Variants in EHMT1 observed in about 807,000 individuals in gnomAD.
EHMT1 encodes histone-lysine N-methyltransferase EHMT1.
Under a neutral mutation model 147.2 loss-of-function variants are expected in EHMT1, and 15 were observed. The observed-to-expected ratio is 0.10, with a 90% CI of 0.07 to 0.16. EHMT1 has a LOEUF of 0.16. Ranked by LOEUF, EHMT1 falls within the 10% of genes least tolerant of loss-of-function variation. EHMT1 has a pLI of 1.00. For synonymous variants in EHMT1, 795 were observed against 709.6 expected (o/e 1.12, Z -1.91); for missense variants, 1,587 against 1,772.4 (o/e 0.90, Z 1.88).
chr9:137,724,994 T>C (rs1013975079), intron 3 of EHMT1, among the ~76,000 whole-genome samples: 1 of 134,320 alleles, frequency 7.4e-6, no homozygotes, highest in East Asian at 2.2e-4. Context: ...CGTGTGGCAT[T>C]AGTGTGGCAG....
Position 137,688,089 on chromosome 9 carries a change from T to C in EHMT1, c.22-22878T>C, listed in dbSNP as rs527877835. ...CCCAGGCTGGAGTGCAGTGGCACAATCTCGGCTCACTCCAACCTCTGCCTC... is the reference window on the plus strand; with the variant it reads ...CCCAGGCTGGAGTGCAGTGGCACAACCTCGGCTCACTCCAACCTCTGCCTC... On this transcript the variant is annotated intron_variant, in intron 1 of 26. Transcript: ENST00000460843. Among the ~76,000 whole-genome samples the C allele has an allele frequency of 2.8e-3, 425 of 152,334 alleles. 3 individuals are homozygous for C. The highest frequency in any genetic ancestry group is 5.5e-3 in the Non-Finnish European group (377 of 68,022).
In EHMT1 at chr9:137,619,057, G is replaced by A. The variant is rs1290220246; in HGVS notation, c.21+8G>A. 3 of 914,566 alleles carry A rather than the reference G, an allele frequency of 3.3e-6. No individual in the cohort carries two copies. The highest frequency in any genetic ancestry group is 6.4e-5 in the Admixed American group (1 of 15,544). 56.7% of individuals were successfully genotyped at this position (914,566 alleles called of 1,614,324 possible). A position where few individuals can be genotyped will look rare whatever the true frequency, so the allele number is the denominator to read the frequency against. The stretch of plus-strand genomic sequence containing the variant: ...GCCGCCGCCGATGCCGAGGTGAGCA[G>A]CGGGGCCGGCGGGGGGCGGCGCGGG... On this transcript the variant is annotated splice_region_variant and intron_variant, in intron 1 of 26. Coordinates refer to ENST00000460843, the MANE Select transcript of EHMT1 (RefSeq NM_024757.5).
chr9:137,728,907 A>G (rs1588412842), intron 4 of EHMT1, among the ~76,000 whole-genome samples: 1 of 152,066 alleles, frequency 6.6e-6, no homozygotes, highest in Non-Finnish European at 1.5e-5. Context: ...CAGGGTGAGG[A>G]CCACCGCCCG....
chr9:137,802,838 C>A, intron 18 of EHMT1: 1 of 1,232,002 alleles, frequency 8.1e-7, no homozygotes, highest in Non-Finnish European at 1.0e-6. Flanking sequence ...CACCGGAGTT[C>A]TTTCCCACTG....
rs149388239 is a variant in EHMT1 at position 137,626,980 on chromosome 9, C to T, written c.21+7931C>T. ...TTTTTGTTTTTGTTTTGTTTTGAGA[C>T]GGAGTCTCGCTTTGTTGCCTAGGCT... On this transcript the variant is annotated intron_variant, in intron 1 of 26. Transcript: ENST00000460843. 5.9e-3 allele frequency among the ~76,000 whole-genome samples: 899 copies of T among 151,776 alleles called. 2 individuals are homozygous for T. The highest frequency in any genetic ancestry group is 0.017 in the Middle Eastern group (5 of 294).
In EHMT1 at chr9:137,835,571, G is replaced by C. The variant is rs1956531207; in HGVS notation, c.*618G>C. On this transcript the variant is annotated 3_prime_UTR_variant, in exon 27 of 27. Coordinates refer to ENST00000460843, the MANE Select transcript of EHMT1 (RefSeq NM_024757.5). ...AGTCCTATATATCAAACCTCTAACT[G>C]ACGTTTCTTTTCGAGGAAGTGGCTT... is the stretch of plus-strand genomic sequence containing the variant. The C allele has an allele frequency of 6.6e-6, 1 of 152,616 alleles. No individual in the cohort carries two copies. The highest frequency in any genetic ancestry group is 2.4e-5 in the African/African-American group (1 of 41,452). 9.5% of individuals were successfully genotyped at this position (152,616 alleles called of 1,614,324 possible). A position where few individuals can be genotyped will look rare whatever the true frequency, so the allele number is the denominator to read the frequency against.
intron 15 of EHMT1, chr9:137,788,094 AG>A: frequency 7.5e-7 from 1 of 1,328,964 alleles, no homozygotes; most frequent in Non-Finnish European, 1.0e-6. Flanking sequence ...GGGGCCAGGA[AG>A]GGGGCAGAGG....
Position 137,625,685 on chromosome 9 carries a change from C to A in EHMT1, c.21+6636C>A, listed in dbSNP as rs1843210971. ...TCTCTGTGTTCTCCTTTTCCGTTTC[C>A]TTTAGTTGAATGTTGGACTTCCTGT... On this transcript the variant is annotated intron_variant, in intron 1 of 26. Transcript: ENST00000460843. 2.0e-5 allele frequency among the ~76,000 whole-genome samples: 3 copies of A among 151,910 alleles called. No individual in the cohort carries two copies. In the South Asian group the frequency reaches 6.2e-4, roughly 32 times the overall value.
intron 9 of EHMT1, among the ~76,000 whole-genome samples, chr9:137,762,384 T>G (rs1303885680): frequency 6.6e-6 from 1 of 152,148 alleles, no homozygotes; most frequent in Non-Finnish European, 1.5e-5. Flanking sequence ...TACCAGCCTC[T>G]GGCTTTGGAA....
Position 137,811,344 on chromosome 9 carries a change from G to A in EHMT1, c.2713-117G>A, listed in dbSNP as rs11789631. ...CTTTCCACCTGGCCCTGCTGCGGAC[G>A]GCCACGCATGCTCCAGAGCCTCTCC... On this transcript the variant is annotated intron_variant, in intron 18 of 26. Transcript: ENST00000460843. The A allele has an allele frequency of 0.6, 861,828 of 1,431,512 alleles. 269,529 individuals carry two copies. The highest frequency in any genetic ancestry group is 0.9 in the East Asian group (38,704 of 43,228). The allele number at this position is 1,431,512 out of a possible 1,614,324, so 88.7% of individuals were successfully genotyped here. A position where few individuals can be genotyped will look rare whatever the true frequency, so the allele number is the denominator to read the frequency against.
rs371070759 is a variant in EHMT1, at chr9:137,754,121, G to T, written c.1249-50G>T. 9.3e-6 allele frequency: 15 copies of T among 1,612,870 alleles called. No individual in the cohort carries two copies. In the African/African-American group the frequency reaches 1.9e-4, roughly 20 times the overall value. ...AACACTTGTAGTGCTCTTGCCTTCC[G>T]TAGCTTCCTGTGCTTAGTGGTTTAT... On this transcript the variant is annotated intron_variant, in intron 7 of 26. Coordinates refer to ENST00000460843, the MANE Select transcript of EHMT1 (RefSeq NM_024757.5).
intron 1 of EHMT1, among the ~76,000 whole-genome samples, chr9:137,699,547 C>A (rs981435026): frequency 1.3e-5 from 2 of 152,098 alleles, no homozygotes; most frequent in Non-Finnish European, 2.9e-5. Flanking sequence ...AATTGCCATG[C>A]GCCTATAATC....
rs143132200 is a variant in EHMT1, at chr9:137,743,779, G to C, written c.982-123G>C. 2.0e-4 allele frequency: 254 copies of C among 1,269,494 alleles called. 1 individual carries two copies. The African/African-American group carries it at 3.3e-3, about 17-fold the overall frequency. 78.6% of individuals were successfully genotyped at this position (1,269,494 alleles called of 1,614,324 possible). A position where few individuals can be genotyped will look rare whatever the true frequency, so the allele number is the denominator to read the frequency against. ...CTCCAGGTGGCAGGGGCACCTCTTC[G>C]TGTGTCCCCGCCTCCCCACAGGCCC... On this transcript the variant is annotated intron_variant, in intron 5 of 26. Coordinates refer to ENST00000460843, the MANE Select transcript of EHMT1 (RefSeq NM_024757.5).
At chr9:137,636,040 G>C (rs555730343) in intron 1 of EHMT1, among the ~76,000 whole-genome samples, 3 of 151,496 alleles carry the variant, frequency 2.0e-5, no homozygotes, top group African/African-American at 7.3e-5. Context: ...TCCTGCCTCA[G>C]CCTCCTGAGT....
intron 14 of EHMT1, among the ~76,000 whole-genome samples, chr9:137,780,235 G>A (rs567262494): frequency 7.3e-6 from 1 of 137,690 alleles, no homozygotes; most frequent in Non-Finnish European, 1.5e-5. Context: ...ATGTGATGAC[G>A]CTGGGATGTG....
At chr9:137,677,679 C>G (rs1166337611) in intron 1 of EHMT1, among the ~76,000 whole-genome samples, 1 of 152,034 alleles carries the variant, frequency 6.6e-6, no homozygotes, top group African/African-American at 2.4e-5. Flanking sequence ...GAGTCAGCCA[C>G]AGTGGTGTTT....
chr9:137,779,721 A>G lies in EHMT1; in HGVS notation c.2275+4A>G. On this transcript the variant is annotated splice_donor_region_variant and intron_variant, in intron 14 of 26. Coordinates refer to ENST00000460843, the MANE Select transcript of EHMT1 (RefSeq NM_024757.5). ...CAGAAGGTGCTCCTCATGCTGGGTA[A>G]GTGCCTTCCTGCGGCCCGGGCACAT... is the stretch of plus-strand genomic sequence containing the variant. 1 of 1,613,442 alleles carries G rather than the reference A, an allele frequency of 6.2e-7. No homozygotes were observed. The highest frequency in any genetic ancestry group is 1.1e-5 in the South Asian group (1 of 91,090).
intron 25 of EHMT1, among the ~76,000 whole-genome samples, chr9:137,831,486 A>G (rs1588930409): frequency 6.6e-6 from 1 of 152,224 alleles, no homozygotes; most frequent in Non-Finnish European, 1.5e-5. Flanking sequence ...TCATTAGGCA[A>G]ATCTCTGAGA....
Position 137,834,418 on chromosome 9 carries a change from G to C in EHMT1, c.3610G>C (p.Glu1204Gln), listed in dbSNP as rs773593938. ...CAGCCGGTTCATCAACCACCACTGC[G>C]AGCCCAACCTGGTGCCCGTGCGCGT... The part of the protein sequence containing the change: ...NVSRFINHHC[E>Q]PNLVPVRVFM... Residue 1204 changes from glutamate to glutamine, a missense_variant, in exon 26 of 27, where the codon GAG becomes CAG. By Grantham distance (29) the Glu-to-Gln change is conservative (BLOSUM62 2). Transcript: ENST00000460843. The C allele has an allele frequency of 6.2e-7, 1 of 1,613,336 alleles. No individual in the cohort carries two copies. Among genetic ancestry groups the C allele is most frequent in the South Asian group, 1.1e-5 (1 of 91,090 alleles).
Sources: allele counts gnomAD v4.1 joint callset (sites outside exome capture counted in the v4.1 genomes callset), GRCh38; gene constraint gnomAD v4.1.1; transcripts MANE v1.5; gene names NCBI Gene and HGNC (gene_info 2026-07-23, HGNC 2026-07-21).